The following CLCC1 variants were observed in gnomAD, a reference collection of about 807,000 sequenced individuals.
CLCC1 encodes the protein chloride channel CLIC-like protein 1.
A neutral mutation model predicts 63.3 loss-of-function variants in CLCC1; 39 were observed. The ratio of observed to expected loss-of-function variants is 0.62; its 90% CI spans 0.48 to 0.81. The LOEUF is 0.81. Ranked by LOEUF, CLCC1 falls within the 30% of genes least tolerant of loss-of-function variation. CLCC1 has a pLI of 0.00. For missense variants in CLCC1, 549 were observed against 669.4 expected (o/e 0.82, Z 1.98); for synonymous variants, 217 against 239.8 (o/e 0.90, Z 0.88).
chr1:108,937,611 A>C (rs1470459353), intron 10 of CLCC1, among the ~76,000 whole-genome samples, 193 bp from the exon 11 acceptor site: 4 of 152,236 alleles, frequency 2.6e-5, no homozygotes, highest in African/African-American at 9.6e-5. Context: ...AGTGGCCAAT[A>C]AAACTTAATA....
chr1:108,939,370 G>C lies in CLCC1; in HGVS notation c.1041+266C>G, dbSNP rs576097871. Among the ~76,000 whole-genome samples, 155 of 147,836 alleles carry C rather than the reference G, an allele frequency of 1.0e-3. 1 individual carries two copies. The highest frequency in any genetic ancestry group is 7.0e-3 in the Middle Eastern group (2 of 284). On this transcript the variant is annotated intron_variant, in intron 10 of 12. Transcript: ENST00000369969. ...CGCCCAGGCTGGAGTACAGTGGTGC[G>C]ATCTCGGCTCACTGCAAGCTCCGCC... is the stretch of plus-strand genomic sequence containing the variant.
chr1:108,958,352 C>T (rs1292218761), intron 2 of CLCC1, among the ~76,000 whole-genome samples: 1 of 151,506 alleles, frequency 6.6e-6, no homozygotes, highest in Non-Finnish European at 1.5e-5. Context: ...GAGGAACTCT[C>T]TTCCTGTCCT....
rs1459336156 is a variant in CLCC1 at position 108,929,956 on chromosome 1, T to A, written c.*2591A>T. On this transcript the variant is annotated 3_prime_UTR_variant, in exon 13 of 13. Coordinates refer to ENST00000369969, the MANE Select transcript of CLCC1 (RefSeq NM_001377458.1). The stretch of plus-strand genomic sequence containing the variant: ...AGACCATTAGTTACTATGGATTTAT[T>A]TTTTTTCCTTTCAAACACGGTAAGG... The A allele has an allele frequency of 1.2e-6, 2 of 1,609,070 alleles. No homozygotes were observed. Among genetic ancestry groups the A allele is most frequent in the Non-Finnish European group, 1.7e-6 (2 of 1,176,174 alleles).
rs1306915897 is a variant in CLCC1 at position 108,951,882 on chromosome 1, A to G, written c.-11-1434T>C. 2.0e-5 allele frequency among the ~76,000 whole-genome samples: 3 copies of G among 149,378 alleles called. No homozygotes were observed. In the Admixed American group the frequency reaches 2.0e-4, roughly 10 times the overall value. On this transcript the variant is annotated intron_variant, in intron 2 of 12. Coordinates refer to ENST00000369969, the MANE Select transcript of CLCC1 (RefSeq NM_001377458.1). ...CCTCCCAGACTCAAGTGATCGGCCC[A>G]CCTCAGCCTCCTGAGTAGCTGGGAC...
rs971648876 is a variant in CLCC1, at chr1:108,937,488, T to C, written c.1042-70A>G. On this transcript the variant is annotated intron_variant, in intron 10 of 12. Transcript: ENST00000369969. ...CTTACAAAAGTTATGAGGCATTTTA[T>C]TCAGAGTGCTAACAAAGTTATGTAA... 6.5e-6 allele frequency: 8 copies of C among 1,232,700 alleles called. No individual in the cohort carries two copies. In the African/African-American group the frequency reaches 9.1e-5, roughly 14 times the overall value. 76.4% of individuals were successfully genotyped at this position (1,232,700 alleles called of 1,614,324 possible). A position where few individuals can be genotyped will look rare whatever the true frequency, so the allele number is the denominator to read the frequency against.
In CLCC1 at chr1:108,949,882, C is replaced by G; in HGVS notation, c.169G>C (p.Asp57His). 1 of 1,603,154 alleles carries G rather than the reference C, an allele frequency of 6.2e-7. No homozygotes were observed. The highest frequency in any genetic ancestry group is 8.5e-7 in the Non-Finnish European group (1 of 1,176,508). ...GATATTTCATCAGCACATGACAAGTCAGGACTGACATCCTTTTCCCCTGAA... is the reference window on the plus strand; with the variant it reads ...GATATTTCATCAGCACATGACAAGTGAGGACTGACATCCTTTTCCCCTGAA... ...GISGEKDVSP[D>H]LSCADEISEC... Residue 57 changes from aspartate (D) to histidine (H), a missense_variant, in exon 4 of 13, where the codon GAC (aspartate) becomes CAC (histidine). By Grantham distance (81) the Asp-to-His change is moderately conservative. Coordinates refer to ENST00000369969, the MANE Select transcript of CLCC1 (RefSeq NM_001377458.1).
At chr1:108,944,239 G>A (rs1255014965) in intron 5 of CLCC1, among the ~76,000 whole-genome samples, 182 bp from the exon 6 acceptor site, 1 of 152,158 alleles carries the variant, frequency 6.6e-6, no homozygotes, top group African/African-American at 2.4e-5. Context: ...ACAGGCCAAG[G>A]TGGGAGGATA....
intron 10 of CLCC1, among the ~76,000 whole-genome samples, chr1:108,937,793 C>A (rs1653236090): frequency 6.6e-6 from 1 of 152,202 alleles, no homozygotes; most frequent in Admixed American, 6.5e-5. Context: ...AGTTGTATAT[C>A]ATTATGTAAA....
chr1:108,956,436 C>T lies in CLCC1; in HGVS notation c.-12+5873G>A, dbSNP rs184979337. Among the ~76,000 whole-genome samples, 844 of 151,136 alleles carry T rather than the reference C, an allele frequency of 5.6e-3. 56 individuals are homozygous for T. Among genetic ancestry groups the T allele is most frequent in the African/African-American group, 0.019 (787 of 40,600 alleles). ...CAGCACTTTGGGAGGCTGAGGCAGG[C>T]GGATCACAAGGTCAGGAGATCGAGA... On this transcript the variant is annotated intron_variant, in intron 2 of 12. Coordinates refer to ENST00000369969, the MANE Select transcript of CLCC1 (RefSeq NM_001377458.1).
At chr1:108,953,967 G>A (rs1265604081) in intron 2 of CLCC1, among the ~76,000 whole-genome samples, 2 of 139,072 alleles carry the variant, frequency 1.4e-5, no homozygotes, top group Non-Finnish European at 3.0e-5. Context: ...CCAAGATCAT[G>A]CCATTGCACT....
At position 108,930,068 on chromosome 1, in the gene CLCC1, A is replaced by G; in HGVS notation, c.*2479T>C. 1.1e-6 allele frequency: 1 copy of G among 870,942 alleles called. No individual in the cohort carries two copies. The highest frequency in any genetic ancestry group is 1.8e-6 in the Non-Finnish European group (1 of 561,764). 54.0% of individuals were successfully genotyped at this position (870,942 alleles called of 1,614,324 possible). On this transcript the variant is annotated 3_prime_UTR_variant, in exon 13 of 13. Coordinates refer to ENST00000369969, the MANE Select transcript of CLCC1 (RefSeq NM_001377458.1). ...TATTTTTAGAATGATGTAAATAGTT[A>G]ACCTTCAGTAGTCTATTAAGGCATT...
chr1:108,940,958 TA>T (rs1000956959), intron 8 of CLCC1, among the ~76,000 whole-genome samples: 5 of 152,160 alleles, frequency 3.3e-5, no homozygotes, highest in Admixed American at 6.5e-5. Flanking sequence ...TGTGAAAGAA[TA>T]AAAAAACTAA....
At chr1:108,935,014 A>C in intron 11 of CLCC1, 72 bp from the exon 12 acceptor site, 1 of 1,450,064 alleles carries the variant, frequency 6.9e-7, no homozygotes, top group East Asian at 2.3e-5. Flanking sequence ...ATATCTAAAA[A>C]GTTCCCACCC....
chr1:108,947,858 A>G (rs1654743721), intron 4 of CLCC1, 140 bp from the exon 5 acceptor site: 2 of 601,150 alleles, frequency 3.3e-6, no homozygotes, highest in Non-Finnish European at 2.9e-6. Context: ...GCTATAATAC[A>G]TTACAGTGCA....
chr1:108,937,113 G>A lies in CLCC1; in HGVS notation c.1347C>T (p.Asp449=), dbSNP rs576849616. 1.4e-4 allele frequency: 218 copies of A among 1,526,380 alleles called. 3 individuals are homozygous for A. In the Middle Eastern group the frequency reaches 1.8e-3, roughly 12 times the overall value. 94.6% of individuals were successfully genotyped at this position (1,526,380 alleles called of 1,614,324 possible). Residue 449 remains aspartate, a synonymous_variant, in exon 11 of 13, where the codon GAC becomes GAT. Coordinates refer to ENST00000369969, the MANE Select transcript of CLCC1 (RefSeq NM_001377458.1). ...CCGTGGGATGCTCTCGTGCCTCTGC[G>A]TCTGGTACATCAAATGCCCGGAGCA... ...PEVLRAFDVP[D]AEAREHPTVV...
intron 4 of CLCC1, 39 bp downstream of exon 4, chr1:108,949,781 T>C (rs1654964239): frequency 9.4e-7 from 1 of 1,061,456 alleles, no homozygotes. Flanking sequence ...CGATTTAACA[T>C]AATATAAAAA....
In CLCC1 at chr1:108,937,422, T is replaced by C. The variant is rs1426545517; in HGVS notation, c.1042-4A>G. On this transcript the variant is annotated splice_polypyrimidine_tract_variant and splice_region_variant and intron_variant, in intron 10 of 12. Coordinates refer to ENST00000369969, the MANE Select transcript of CLCC1 (RefSeq NM_001377458.1). Reference sequence around the variant, plus strand: ...TTCCAGCACCATAGCAGAAACTCTGTAAGGAAAAGAAATACATTTTCCTGA... The same window carrying C: ...TTCCAGCACCATAGCAGAAACTCTGCAAGGAAAAGAAATACATTTTCCTGA... The C allele has an allele frequency of 3.2e-6, 5 of 1,567,586 alleles. No individual in the cohort carries two copies. The highest frequency in any genetic ancestry group is 4.3e-6 in the Non-Finnish European group (5 of 1,157,766).
Position 108,931,385 on chromosome 1 carries a change from A to C in CLCC1, c.*1162T>G. The stretch of plus-strand genomic sequence containing the variant: ...CTGTAGCAAAAGACAAGTATGGGAC[A>C]GACTGGGACCTGGAGTAACACTGGA... On this transcript the variant is annotated 3_prime_UTR_variant, in exon 13 of 13. Coordinates refer to ENST00000369969, the MANE Select transcript of CLCC1 (RefSeq NM_001377458.1). 8 of 1,551,222 alleles carry C rather than the reference A, an allele frequency of 5.2e-6. No individual in the cohort carries two copies. The highest frequency in any genetic ancestry group is 7.0e-6 in the Non-Finnish European group (8 of 1,147,144).
At position 108,929,659 on chromosome 1, in the gene CLCC1, T is replaced by C. The variant is rs764215938; in HGVS notation, c.*2888A>G. 2.5e-6 allele frequency: 4 copies of C among 1,601,130 alleles called. No individual in the cohort carries two copies. In the African/African-American group the frequency reaches 4.0e-5, roughly 16 times the overall value. The stretch of plus-strand genomic sequence containing the variant: ...AGATTTAACATAGCTTGGTGCTTTC[T>C]TTCCCACAGTATGTCTTTTAATCTC... On this transcript the variant is annotated 3_prime_UTR_variant, in exon 13 of 13. Transcript: ENST00000369969.
Sources: gnomAD v4.1 joint callset for allele counts (sites outside exome capture counted in the v4.1 genomes callset) on GRCh38, gnomAD v4.1.1 for gene constraint, MANE v1.5 for transcripts, NCBI Gene and HGNC (gene_info 2026-07-23, HGNC 2026-07-21) for gene names.